Variants in CSTPP1 observed in about 807,000 individuals in gnomAD.
The protein encoded by CSTPP1 is centriolar satellite-associated tubulin polyglutamylase complex regulator 1.
chr11:47,074,501 GAAAAAA>G, the CSTPP1 span, among the ~76,000 whole-genome samples: 41,035 of 114,194 alleles, frequency 0.36, 5,978 homozygotes, highest in Non-Finnish European at 0.44. Flanking sequence ...TCCTGTCTCA[GAAAAAA>G]AAAAAAAAAA....
chr11:47,042,345 GT>G, the CSTPP1 span, among the ~76,000 whole-genome samples: 72,161 of 131,678 alleles, frequency 0.55, 19,479 homozygotes, highest in Non-Finnish European at 0.66. Flanking sequence ...TTTGACTTCT[GT>G]TTTTTTTTTT....
the CSTPP1 span, among the ~76,000 whole-genome samples, chr11:47,091,026 G>A: frequency 1.5e-5 from 2 of 132,690 alleles, no homozygotes; most frequent in Admixed American, 8.1e-5. Flanking sequence ...GCAACAGAGC[G>A]AGACAGCGAG....
At chr11:46,970,252 T>C in the CSTPP1 span, among the ~76,000 whole-genome samples, 2 of 151,888 alleles carry the variant, frequency 1.3e-5, no homozygotes, top group Admixed American at 6.6e-5. Flanking sequence ...ACTAAGCAAA[T>C]GATACACAAT....
the CSTPP1 span, among the ~76,000 whole-genome samples, chr11:47,092,389 T>C: frequency 6.6e-6 from 1 of 152,178 alleles, no homozygotes; most frequent in South Asian, 2.1e-4. Context: ...CCCACATCTC[T>C]GACTAGGAAT....
chr11:47,131,066 GCA>G, the CSTPP1 span, among the ~76,000 whole-genome samples: 1 of 152,024 alleles, frequency 6.6e-6, no homozygotes, highest in Non-Finnish European at 1.5e-5. Flanking sequence ...CAACATATAG[GCA>G]CTCACACAAA....
At chr11:47,098,640 G>C in the CSTPP1 span, among the ~76,000 whole-genome samples, 1 of 151,890 alleles carries the variant, frequency 6.6e-6, no homozygotes, top group South Asian at 2.1e-4. Context: ...TGCGTAGCTG[G>C]GATTACAGGT....
chr11:47,007,418 T>TTA, the CSTPP1 span, among the ~76,000 whole-genome samples: 2 of 152,222 alleles, frequency 1.3e-5, no homozygotes, highest in African/African-American at 4.8e-5. Context: ...TCTGTGTAAT[T>TTA]TACTATTAAA....
chr11:47,101,198 T>TTTTTG, the CSTPP1 span, among the ~76,000 whole-genome samples: 2 of 138,518 alleles, frequency 1.4e-5, no homozygotes, highest in South Asian at 2.4e-4. Context: ...TTATTTTATT[T>TTTTTG]TTAGTAGAGA....
At chr11:46,983,812 G>C in the CSTPP1 span, among the ~76,000 whole-genome samples, 1 of 152,182 alleles carries the variant, frequency 6.6e-6, no homozygotes, top group Non-Finnish European at 1.5e-5. Flanking sequence ...AAACCACCAG[G>C]GCACGGCAAT....
At chr11:47,164,097 G>A in the CSTPP1 span, 38 of 1,609,184 alleles carry the variant, frequency 2.4e-5, no homozygotes, top group Non-Finnish European at 3.0e-5. Flanking sequence ...CCACAGGGTG[G>A]TGAGGTCGAA....
the CSTPP1 span, among the ~76,000 whole-genome samples, chr11:47,024,407 A>C: frequency 2.6e-5 from 4 of 151,778 alleles, no homozygotes; most frequent in South Asian, 8.3e-4. Flanking sequence ...CCTTACATAA[A>C]GTAAATCTTT....
At chr11:47,089,351 C>T in the CSTPP1 span, among the ~76,000 whole-genome samples, 1 of 151,980 alleles carries the variant, frequency 6.6e-6, no homozygotes, top group Non-Finnish European at 1.5e-5. Context: ...GTCCATAATG[C>T]CCATCATTAG....
At chr11:47,157,887 C>G in the CSTPP1 span, 2 of 1,614,084 alleles carry the variant, frequency 1.2e-6, no homozygotes, top group Non-Finnish European at 1.7e-6. Flanking sequence ...TTCCTCATGG[C>G]TCTCTCAAAG....
At chr11:47,111,775 G>T in the CSTPP1 span, among the ~76,000 whole-genome samples, 17 of 152,108 alleles carry the variant, frequency 1.1e-4, no homozygotes, top group Non-Finnish European at 2.2e-4. Flanking sequence ...AGTTCCTGTA[G>T]CCTGACCTCC....
the CSTPP1 span, among the ~76,000 whole-genome samples, chr11:47,115,395 A>G: frequency 2.6e-5 from 4 of 152,086 alleles, no homozygotes; most frequent in African/African-American, 9.7e-5. Flanking sequence ...GAATAGTTTC[A>G]GAAGGAATGG....
At chr11:46,971,725 G>T in the CSTPP1 span, among the ~76,000 whole-genome samples, 1 of 152,034 alleles carries the variant, frequency 6.6e-6, no homozygotes, top group South Asian at 2.1e-4. Context: ...CAGGAGGATC[G>T]CTTGAGCCTA....
chr11:46,974,993 A>G, the CSTPP1 span, among the ~76,000 whole-genome samples: 1 of 151,368 alleles, frequency 6.6e-6, no homozygotes, highest in Non-Finnish European at 1.5e-5. Flanking sequence ...TAAAATAAAG[A>G]AAAAAAAGTC....
the CSTPP1 span, among the ~76,000 whole-genome samples, chr11:47,039,031 G>A: frequency 8.1e-6 from 1 of 123,242 alleles, no homozygotes; most frequent in Admixed American, 8.7e-5. Flanking sequence ...GATGGCGGCC[G>A]GGCAGAGACG....
At chr11:47,007,188 G>A in the CSTPP1 span, among the ~76,000 whole-genome samples, 3 of 151,054 alleles carry the variant, frequency 2.0e-5, no homozygotes, top group Admixed American at 6.6e-5. Flanking sequence ...GCCCACCACC[G>A]TGGCTGGCTA....
Sources: allele counts gnomAD v4.1 joint callset (sites outside exome capture counted in the v4.1 genomes callset), GRCh38; gene constraint gnomAD v4.1.1; transcripts MANE v1.5; gene names NCBI Gene and HGNC (gene_info 2026-07-23, HGNC 2026-07-21).